RAD51B: variants seen among roughly 807,000 people sequenced by gnomAD.
The protein encoded by RAD51B is DNA repair protein RAD51 homolog 2.
In RAD51B, 38 loss-of-function variants were observed where a neutral mutation model predicts 42.2. That is an observed-to-expected ratio of 0.90 (90% CI 0.70 to 1.18). The LOEUF (loss-of-function observed/expected upper bound fraction) is 1.18, where lower values mean the gene tolerates loss of function less well. RAD51B is among the 50% of genes most tolerant of loss of function. The pLI is 0.00. For missense variants in RAD51B, 373 were observed against 400.7 expected, an observed-to-expected ratio of 0.93 and a Z score of 0.59; for synonymous variants, 154 against 145.2, an observed-to-expected ratio of 1.06 and a Z score of -0.43.
chr14:68,143,023 G>C (rs113761324), intron 7 of RAD51B, among the ~76,000 whole-genome samples: 9 of 151,588 alleles, frequency 5.9e-5, no homozygotes, highest in South Asian at 2.1e-4. Context: ...GAGGGGGTGG[G>C]GGGGGAGTTA....
intron 10 of RAD51B, among the ~76,000 whole-genome samples, chr14:68,608,390 A>G (rs1891539975): frequency 6.6e-6 from 1 of 152,118 alleles, no homozygotes; most frequent in Admixed American, 6.5e-5. Flanking sequence ...CCCTAGTGAG[A>G]GTTCCCTGGC....
At chr14:68,342,124 A>G (rs112850412) in intron 8 of RAD51B, among the ~76,000 whole-genome samples, 3 of 152,326 alleles carry the variant, frequency 2.0e-5, no homozygotes, top group African/African-American at 7.2e-5. Flanking sequence ...TCTTCCTTCT[A>G]GAGGCCTATC....
intron 7 of RAD51B, among the ~76,000 whole-genome samples, chr14:67,990,064 C>T (rs2075268725): frequency 7.1e-6 from 1 of 141,512 alleles, no homozygotes; most frequent in South Asian, 2.2e-4. Context: ...GTGGCGCAAT[C>T]TCGGCTCACT....
intron 10 of RAD51B, among the ~76,000 whole-genome samples, chr14:68,564,888 A>T (rs951728879): frequency 2.6e-5 from 4 of 152,132 alleles, no homozygotes; most frequent in Admixed American, 6.5e-5. Context: ...AGTGTTTGGG[A>T]CCGGGGCTGG....
chr14:68,505,221 C>T (rs1214638473), intron 10 of RAD51B, among the ~76,000 whole-genome samples: 4 of 152,202 alleles, frequency 2.6e-5, no homozygotes, highest in East Asian at 1.9e-4. Context: ...ACCCCATGCC[C>T]GCACACACAC....
chr14:67,934,119 C>T (rs1045647047), intron 7 of RAD51B, among the ~76,000 whole-genome samples: 2 of 152,152 alleles, frequency 1.3e-5, no homozygotes, highest in African/African-American at 2.4e-5. Context: ...TTTGTTAATA[C>T]TGCTTAACTT....
At chr14:68,568,290 G>C (rs1358959228) in intron 10 of RAD51B, among the ~76,000 whole-genome samples, 3 of 152,186 alleles carry the variant, frequency 2.0e-5, no homozygotes, top group Non-Finnish European at 4.4e-5. Context: ...ATAGGAATTT[G>C]CCAGGTAGGT....
At chr14:68,147,126 T>A (rs991663876) in intron 7 of RAD51B, among the ~76,000 whole-genome samples, 7 of 152,174 alleles carry the variant, frequency 4.6e-5, no homozygotes, top group Non-Finnish European at 2.9e-5. Flanking sequence ...AGCCAGAGAT[T>A]CCTGGCCTTT....
At chr14:68,218,029 A>G (rs1364193992) in intron 7 of RAD51B, among the ~76,000 whole-genome samples, 1 of 152,220 alleles carries the variant, frequency 6.6e-6, no homozygotes, top group Non-Finnish European at 1.5e-5. Flanking sequence ...TATAACTTTA[A>G]TGTTGTACAG....
intron 7 of RAD51B, among the ~76,000 whole-genome samples, chr14:68,059,555 G>T (rs1372604985): frequency 6.6e-6 from 1 of 152,046 alleles, no homozygotes; most frequent in Non-Finnish European, 1.5e-5. Context: ...TGTAACATAT[G>T]CCCGTAATAT....
At chr14:68,187,963 C>T (rs945197646) in intron 7 of RAD51B, among the ~76,000 whole-genome samples, 2 of 151,946 alleles carry the variant, frequency 1.3e-5, no homozygotes, top group East Asian at 1.9e-4. Context: ...TACAGGTGCA[C>T]GCCACGATGG....
intron 7 of RAD51B, among the ~76,000 whole-genome samples, chr14:68,048,284 G>A (rs1252259446): frequency 6.6e-6 from 1 of 152,014 alleles, no homozygotes; most frequent in African/African-American, 2.4e-5. Context: ...TTTTTGATGG[G>A]GTTGTTTGTT....
intron 10 of RAD51B, among the ~76,000 whole-genome samples, chr14:68,578,844 G>T (rs777530710): frequency 2.6e-5 from 4 of 152,226 alleles, no homozygotes; most frequent in African/African-American, 9.6e-5. Flanking sequence ...GCTAATGGGT[G>T]TGTCATTCGA....
intron 7 of RAD51B, among the ~76,000 whole-genome samples, chr14:67,901,989 T>C (rs562787763): frequency 6.6e-6 from 1 of 152,296 alleles, no homozygotes; most frequent in East Asian, 1.9e-4. Flanking sequence ...AAGTCCTGAC[T>C]TCATCACTAT....
At chr14:68,471,642 G>A (rs111758115) in intron 10 of RAD51B, among the ~76,000 whole-genome samples, 4,062 of 151,152 alleles carry the variant, frequency 0.027, 73 homozygotes, top group Middle Eastern at 0.037. Context: ...TGAAGGAGCC[G>A]GTCCATGCTA....
chr14:68,426,242 A>ATTTT (rs55840994), intron 9 of RAD51B, among the ~76,000 whole-genome samples: 2,954 of 135,212 alleles, frequency 0.022, 106 homozygotes, highest in African/African-American at 0.078. Context: ...CTAATTTTGT[A>ATTTT]TTTTTTTTTT....
At chr14:67,946,471 C>G (rs555049533) in intron 7 of RAD51B, among the ~76,000 whole-genome samples, 1 of 152,200 alleles carries the variant, frequency 6.6e-6, no homozygotes, top group East Asian at 1.9e-4. Context: ...CCAGTTCAAG[C>G]AGTTCTCTGC....
chr14:67,936,857 T>G (rs1398111999), intron 7 of RAD51B, among the ~76,000 whole-genome samples: 2 of 152,226 alleles, frequency 1.3e-5, no homozygotes, highest in Admixed American at 1.3e-4. Context: ...TTCAAGTGTT[T>G]ATTGACCATT....
intron 7 of RAD51B, among the ~76,000 whole-genome samples, chr14:67,997,485 A>G (rs1373573841): frequency 6.6e-6 from 1 of 152,174 alleles, no homozygotes. Context: ...AAATTATGAC[A>G]GTTTACTTTG....
Sources: allele counts gnomAD v4.1 joint callset (sites outside exome capture counted in the v4.1 genomes callset), GRCh38; gene constraint gnomAD v4.1.1; transcripts MANE v1.5; gene names NCBI Gene and HGNC (gene_info 2026-07-23, HGNC 2026-07-21).